The following ATP10A variants were observed in gnomAD, a reference collection of about 807,000 sequenced individuals.
ATP10A encodes phospholipid-transporting ATPase VA.
ATP10A carries 111 observed loss-of-function variants against 147.8 expected under a neutral mutation model. The ratio of observed to expected loss-of-function variants is 0.75; its 90% CI spans 0.64 to 0.88. The LOEUF (loss-of-function observed/expected upper bound fraction) is 0.88. Ranked by LOEUF, ATP10A falls within the 40% of genes least tolerant of loss-of-function variation. The probability of loss-of-function intolerance (pLI) is 0.00; values close to 1 mark genes in which losing one functional copy is unlikely to be tolerated. For synonymous variants in ATP10A, 875 were observed against 841.6 expected, an observed-to-expected ratio of 1.04 and a Z score of -0.69; for missense variants, 1,927 against 1,959.0, an observed-to-expected ratio of 0.98 and a Z score of 0.31.
At chr15:25,684,552 T>C (rs1260384007) in intron 16 of ATP10A, among the ~76,000 whole-genome samples, 1 of 152,014 alleles carries the variant, frequency 6.6e-6, no homozygotes, top group Non-Finnish European at 1.5e-5. Context: ...GCAGGGCGAG[T>C]GCTCTTATCC....
chr15:25,855,249 T>C (rs12902759), intron 1 of ATP10A, among the ~76,000 whole-genome samples: 1 of 151,822 alleles, frequency 6.6e-6, no homozygotes, highest in Non-Finnish European at 1.5e-5. Context: ...TAGTCAATGG[T>C]ATCCAGCAAA....
chr15:25,798,847 C>T (rs570804523), intron 1 of ATP10A, among the ~76,000 whole-genome samples: 1 of 152,294 alleles, frequency 6.6e-6, no homozygotes, highest in Admixed American at 6.5e-5. Flanking sequence ...CTCGGGAGGG[C>T]ACCGTGCGCC....
intron 2 of ATP10A, among the ~76,000 whole-genome samples, chr15:25,745,914 G>A (rs1887824509): frequency 6.6e-6 from 1 of 152,044 alleles, no homozygotes; most frequent in Non-Finnish European, 1.5e-5. Flanking sequence ...ACCAAAGAAA[G>A]CATGGTAAAC....
chr15:25,774,209 T>C (rs894975966), intron 2 of ATP10A, among the ~76,000 whole-genome samples: 3 of 152,192 alleles, frequency 2.0e-5, no homozygotes, highest in East Asian at 3.8e-4. Flanking sequence ...CCACACAATA[T>C]AAGAAGATCT....
Position 25,781,019 on chromosome 15 carries a change from A to G in ATP10A, c.654T>C (p.Leu218=), listed in dbSNP as rs1246625896. ...RRQVVRGFSE[L]VSEFNPLTFT... ...GGCCCTGGAAACGTGGGTCACTTAC[A>G]AGCTCCGAGAAGCCGCGGACCACCT... Residue 218 remains leucine, a splice_region_variant and synonymous_variant, in exon 2 of 21, where the codon CTT becomes CTC. Coordinates refer to ENST00000555815, the MANE Select transcript of ATP10A (RefSeq NM_024490.4). 2.5e-6 allele frequency: 4 copies of G among 1,613,496 alleles called. No homozygotes were observed. The South Asian group carries it at 3.3e-5, about 13-fold the overall frequency.
intron 2 of ATP10A, 77 bp downstream of exon 2, chr15:25,780,942 C>T: frequency 6.8e-7 from 1 of 1,473,762 alleles, no homozygotes. Context: ...TGCAGGTGCT[C>T]TGAGCCCCAG....
chr15:25,781,694 T>C (rs1208576976), intron 1 of ATP10A, among the ~76,000 whole-genome samples: 2 of 151,852 alleles, frequency 1.3e-5, no homozygotes, highest in Non-Finnish European at 2.9e-5. Context: ...TTCATACCAC[T>C]GAAGCTCACT....
At chr15:25,833,134 T>A (rs1189630089) in intron 1 of ATP10A, among the ~76,000 whole-genome samples, 2 of 151,822 alleles carry the variant, frequency 1.3e-5, no homozygotes, top group Non-Finnish European at 2.9e-5. Flanking sequence ...AGGCGGACAT[T>A]ACCACAAGTG....
chr15:25,751,383 A>C (rs924498304), intron 2 of ATP10A, among the ~76,000 whole-genome samples: 2 of 152,152 alleles, frequency 1.3e-5, no homozygotes, highest in Non-Finnish European at 2.9e-5. Context: ...GCAAGAACAC[A>C]GAAGACTTGA....
At chr15:25,684,703 G>A (rs759289992) in intron 16 of ATP10A, among the ~76,000 whole-genome samples, 11 of 152,244 alleles carry the variant, frequency 7.2e-5, no homozygotes, top group South Asian at 2.1e-4. Context: ...GAACTCTGAC[G>A]CTAGACAGAC....
intron 1 of ATP10A, among the ~76,000 whole-genome samples, chr15:25,845,225 T>A (rs1331501721): frequency 6.6e-6 from 1 of 152,122 alleles, no homozygotes; most frequent in East Asian, 1.9e-4. Flanking sequence ...ACAGACTGAA[T>A]GTATTAACGA....
intron 1 of ATP10A, among the ~76,000 whole-genome samples, chr15:25,796,955 T>C (rs1890699753): frequency 6.6e-6 from 1 of 152,240 alleles, no homozygotes; most frequent in Non-Finnish European, 1.5e-5. Context: ...AATCAAACCA[T>C]TAACATCTCA....
intron 13 of ATP10A, 58 bp downstream of exon 13, chr15:25,701,858 C>T: frequency 1.4e-6 from 2 of 1,476,386 alleles, no homozygotes; most frequent in Non-Finnish European, 1.8e-6. Context: ...CCAAGGGGGC[C>T]ACGATAAACA....
downstream of ATP10A, among the ~76,000 whole-genome samples, chr15:25,676,525 C>T (rs1899139425): frequency 6.6e-6 from 1 of 152,192 alleles, no homozygotes; most frequent in South Asian, 2.1e-4. Context: ...TTTTCTCTAT[C>T]TATTCTATAA....
chr15:25,757,599 G>C (rs1040242973), intron 2 of ATP10A, among the ~76,000 whole-genome samples: 1 of 152,082 alleles, frequency 6.6e-6, no homozygotes, highest in Non-Finnish European at 1.5e-5. Context: ...AAATAGGAGA[G>C]ATGAGAAAAA....
chr15:25,836,065 G>A (rs576035350), intron 1 of ATP10A, among the ~76,000 whole-genome samples: 8 of 152,236 alleles, frequency 5.3e-5, no homozygotes, highest in African/African-American at 7.2e-5. Context: ...CGCCCACCTC[G>A]GGCTCCCAAA....
At chr15:25,686,948 G>C (rs928733363) in intron 16 of ATP10A, among the ~76,000 whole-genome samples, 1 of 108,274 alleles carries the variant, frequency 9.2e-6, no homozygotes, top group Non-Finnish European at 1.7e-5. Flanking sequence ...AATCTGCCCT[G>C]GGTGTGGCTT....
In ATP10A at chr15:25,680,867, A is replaced by T; in HGVS notation, c.3621T>A (p.Ile1207=). ...GGAAAGTGAGCAGCGCGATTGTCAC[A>T]ATAGGGGTCCCCCAGGTAAACAGGT... is the stretch of plus-strand genomic sequence containing the variant. ...NVDLFTWGTP[I]VTIALLTFLL... The change falls in exon 19 of 21, where the codon ATT becomes ATA. Residue 1207 remains isoleucine (I), a synonymous_variant. Transcript: ENST00000555815. The T allele has an allele frequency of 6.2e-7, 1 of 1,614,116 alleles. No individual in the cohort carries two copies. Among genetic ancestry groups the T allele is most frequent in the Non-Finnish European group, 8.5e-7 (1 of 1,180,026 alleles).
intron 1 of ATP10A, among the ~76,000 whole-genome samples, chr15:25,801,316 G>A (rs995205088): frequency 2.0e-5 from 3 of 152,124 alleles, no homozygotes; most frequent in African/African-American, 7.2e-5. Flanking sequence ...GAAGAGGAGC[G>A]AGGGGTGGGA....
Sources: gnomAD v4.1 joint callset for allele counts (sites outside exome capture counted in the v4.1 genomes callset) on GRCh38, gnomAD v4.1.1 for gene constraint, MANE v1.5 for transcripts, NCBI Gene and HGNC (gene_info 2026-07-23, HGNC 2026-07-21) for gene names.